EYS: variants seen among roughly 807,000 people sequenced by gnomAD.
The protein encoded by EYS is EGF-like photoreceptor maintenance factor.
EYS carries 250 observed loss-of-function variants against 282.1 expected under a neutral mutation model. That is an observed-to-expected ratio of 0.89 (90% confidence interval 0.80 to 0.98). EYS has a LOEUF of 0.98. Ranked by LOEUF, EYS falls within the 50% of genes least tolerant of loss-of-function variation. EYS has a pLI of 0.00. For missense variants in EYS, 4,016 were observed against 3,709.0 expected (o/e 1.08, Z -2.15); for synonymous variants, 1,355 against 1,282.9 (o/e 1.06, Z -1.20).
chr6:63,959,712 G>A lies in EYS; in HGVS notation c.7055+24671C>T, dbSNP rs144856337. ...AAGGAATGTGATCATGTCCTTTGCA[G>A]GGACATGGATGAAGCTGGAAGCCAT... is the stretch of plus-strand genomic sequence containing the variant. On this transcript the variant is annotated intron_variant, in intron 35 of 42. Coordinates refer to ENST00000503581, the MANE Select transcript of EYS (RefSeq NM_001142800.2). Among the ~76,000 whole-genome samples, 259 of 152,220 alleles carry A rather than the reference G, an allele frequency of 1.7e-3. 3 individuals are homozygous for A. In the East Asian group the frequency reaches 0.042, roughly 25 times the overall value.
chr6:65,423,609 T>C (rs765817646), intron 5 of EYS, among the ~76,000 whole-genome samples: 1 of 151,958 alleles, frequency 6.6e-6, no homozygotes, highest in Non-Finnish European at 1.5e-5. Flanking sequence ...CCACACATTA[T>C]AAACCTCTGG....
intron 26 of EYS, among the ~76,000 whole-genome samples, chr6:64,550,352 A>T (rs1765033398): frequency 6.6e-6 from 1 of 151,718 alleles, no homozygotes; most frequent in Non-Finnish European, 1.5e-5. Flanking sequence ...CAGACCCACC[A>T]ACAGTGTAAA....
chr6:65,474,399 T>A (rs1765327403), intron 5 of EYS, among the ~76,000 whole-genome samples: 1 of 152,128 alleles, frequency 6.6e-6, no homozygotes, highest in Admixed American at 6.5e-5. Flanking sequence ...CTTACAGACC[T>A]TTCTCTACCC....
At chr6:65,458,154 T>G (rs1447093441) in intron 5 of EYS, among the ~76,000 whole-genome samples, 1 of 152,174 alleles carries the variant, frequency 6.6e-6, no homozygotes, top group South Asian at 2.1e-4. Flanking sequence ...TGCAACCTCC[T>G]AAACTCTGAA....
Position 65,391,625 on chromosome 6 carries a change from A to T in EYS, c.1185-7125T>A, listed in dbSNP as rs536121852. ...TTCCAACTTACAAGGGATGTGAAGG[A>T]CCTCTTCAAGGAGAACTACAAACCA... On this transcript the variant is annotated intron_variant, in intron 7 of 42. Transcript: ENST00000503581. 2.0e-5 allele frequency among the ~76,000 whole-genome samples: 3 copies of T among 152,240 alleles called. No homozygotes were observed. In the South Asian group the frequency reaches 6.2e-4, roughly 32 times the overall value.
rs199740930 is a variant in EYS at position 65,057,613 on chromosome 6, C to T, written c.2137+1G>A. On this transcript the variant is annotated splice_donor_variant, in intron 13 of 42. Coordinates refer to ENST00000503581, the MANE Select transcript of EYS (RefSeq NM_001142800.2). LOFTEE classifies it high-confidence loss of function. ...TTTCCTTATCCCTTGGTGTTCATTA[C>T]CTTTAAATGGAGGCACACACTGGCA... 548 of 1,531,944 alleles carry T rather than the reference C, an allele frequency of 3.6e-4. 4 individuals carry two copies. In the Middle Eastern group the frequency reaches 4.2e-3, roughly 12 times the overall value. 94.9% of individuals were successfully genotyped at this position (1,531,944 alleles called of 1,614,324 possible).
intron 41 of EYS, among the ~76,000 whole-genome samples, chr6:63,727,857 T>G (rs922787376): frequency 3.2e-5 from 4 of 125,660 alleles, no homozygotes; most frequent in Non-Finnish European, 3.3e-5. Context: ...GAGGTGGGGG[T>G]GGAGGTTGCA....
At chr6:63,837,507 CA>C (rs1771839812) in intron 36 of EYS, among the ~76,000 whole-genome samples, 1 of 152,036 alleles carries the variant, frequency 6.6e-6, no homozygotes, top group Admixed American at 6.6e-5. Flanking sequence ...TAAGTGATTG[CA>C]ATTTAACCAA....
At chr6:65,320,427 A>C (rs1377154446) in intron 11 of EYS, among the ~76,000 whole-genome samples, 3 of 152,150 alleles carry the variant, frequency 2.0e-5, no homozygotes, top group Non-Finnish European at 4.4e-5. Context: ...TAATGGAGGA[A>C]GGAGATGATG....
At chr6:64,146,966 A>G (rs775517390) in intron 31 of EYS, among the ~76,000 whole-genome samples, 2 of 152,186 alleles carry the variant, frequency 1.3e-5, no homozygotes, top group Non-Finnish European at 2.9e-5. Flanking sequence ...CTGAGATTGC[A>G]TGGAACATAG....
At chr6:64,767,801 A>G (rs921442471) in intron 22 of EYS, among the ~76,000 whole-genome samples, 1 of 152,116 alleles carries the variant, frequency 6.6e-6, no homozygotes, top group Non-Finnish European at 1.5e-5. Flanking sequence ...TAAATGCCCA[A>G]TAGTGGGATT....
At chr6:64,734,708 GCACATGTGTC>G (rs1050290752) in intron 22 of EYS, among the ~76,000 whole-genome samples, 1 of 152,138 alleles carries the variant, frequency 6.6e-6, no homozygotes, top group African/African-American at 2.4e-5. Context: ...GTATATGCTC[GCACATGTGTC>G]CACATGGGGA....
At chr6:63,901,482 C>A (rs1773657765) in intron 35 of EYS, among the ~76,000 whole-genome samples, 1 of 152,140 alleles carries the variant, frequency 6.6e-6, no homozygotes, top group African/African-American at 2.4e-5. Context: ...AAAAACTTTT[C>A]AAATCGTATG....
intron 22 of EYS, among the ~76,000 whole-genome samples, chr6:64,642,605 C>A (rs1768195045): frequency 6.6e-6 from 1 of 152,200 alleles, no homozygotes; most frequent in South Asian, 2.1e-4. Flanking sequence ...TTGGAGAAAT[C>A]ATAAATGAAA....
chr6:65,699,164 C>G, intron 1 of EYS, among the ~76,000 whole-genome samples: 1 of 152,012 alleles, frequency 6.6e-6, no homozygotes, highest in Non-Finnish European at 1.5e-5. Flanking sequence ...TACTTGCATA[C>G]GTATTCGTTT....
At chr6:65,288,151 C>A (rs1026712357) in intron 12 of EYS, among the ~76,000 whole-genome samples, 1 of 151,058 alleles carries the variant, frequency 6.6e-6, no homozygotes, top group South Asian at 2.1e-4. Flanking sequence ...AGCCCTCTTT[C>A]TATTTCCTGT....
At chr6:65,605,698 T>G (rs354400) in intron 2 of EYS, among the ~76,000 whole-genome samples, 63,468 of 151,548 alleles carry the variant, frequency 0.42, 15,985 homozygotes, top group African/African-American at 0.71. Flanking sequence ...TAAAATTTTT[T>G]ATTGTATTGT....
rs1426876102 is a variant in EYS, at chr6:65,495,979, G to C, written c.-318C>G. The C allele has an allele frequency of 6.5e-6, 1 of 152,998 alleles. No individual in the cohort carries two copies. Among genetic ancestry groups the C allele is most frequent in the Non-Finnish European group, 1.5e-5 (1 of 68,714 alleles). The allele number at this position is 152,998 out of a possible 1,614,324, so 9.5% of individuals were successfully genotyped here. On this transcript the variant is annotated 5_prime_UTR_variant, in exon 3 of 43. Transcript: ENST00000503581. ...GAGATAAGCATTCCTCTTCTGATTA[G>C]TTTTCAAAAAACACCTTTAAAACGT...
chr6:64,730,826 G>T (rs1272330066), intron 22 of EYS: 1 of 152,038 alleles, frequency 6.6e-6, no homozygotes, highest in Non-Finnish European at 1.5e-5. Context: ...CTGAAAATTC[G>T]ATGTTATTTA....
Sources: gnomAD v4.1 joint callset for allele counts (sites outside exome capture counted in the v4.1 genomes callset) on GRCh38, gnomAD v4.1.1 for gene constraint, MANE v1.5 for transcripts, NCBI Gene and HGNC (gene_info 2026-07-23, HGNC 2026-07-21) for gene names.